The following XYLT1 variants were observed in gnomAD, a reference collection of about 807,000 sequenced individuals.
XYLT1 encodes the protein beta-D-xylosyltransferase 1.
A neutral mutation model predicts 91.3 loss-of-function variants in XYLT1; 36 were observed. The ratio of observed to expected loss-of-function variants is 0.39; its 90% CI spans 0.30 to 0.52. XYLT1 has a LOEUF of 0.52. Ranked by LOEUF, XYLT1 falls within the 20% of genes least tolerant of loss-of-function variation. The probability of loss-of-function intolerance (pLI) is 0.68; values close to 1 mark genes in which losing one functional copy is unlikely to be tolerated. For missense variants in XYLT1, 1,242 were observed against 1,284.5 expected (o/e 0.97, Z 0.51); for synonymous variants, 588 against 532.0 (o/e 1.11, Z -1.45).
intron 1 of XYLT1, among the ~76,000 whole-genome samples, chr16:17,397,827 C>CTT (rs749199983): frequency 1.1e-3 from 118 of 108,696 alleles, no homozygotes; most frequent in African/African-American, 1.6e-3. Context: ...TTGAATAGCT[C>CTT]TTTTTTTTTT....
At chr16:17,424,676 T>C (rs1567198303) in intron 1 of XYLT1, among the ~76,000 whole-genome samples, 3 of 152,018 alleles carry the variant, frequency 2.0e-5, no homozygotes, top group Admixed American at 1.3e-4. Flanking sequence ...CAGACCATCC[T>C]GGTCAACACG....
chr16:17,298,616 G>A (rs537365317), intron 2 of XYLT1, among the ~76,000 whole-genome samples: 1 of 152,236 alleles, frequency 6.6e-6, no homozygotes, highest in East Asian at 1.9e-4. Context: ...GATTGAGTTG[G>A]GACAGTCAGC....
chr16:17,112,640 T>G (rs775194397), intron 11 of XYLT1, among the ~76,000 whole-genome samples: 4 of 152,134 alleles, frequency 2.6e-5, no homozygotes, highest in Non-Finnish European at 5.9e-5. Flanking sequence ...AGATGTGAAC[T>G]AGATCAAGAA....
chr16:17,449,470 T>C (rs1596551968), intron 1 of XYLT1, among the ~76,000 whole-genome samples: 1 of 152,212 alleles, frequency 6.6e-6, no homozygotes, highest in Non-Finnish European at 1.5e-5. Flanking sequence ...GTCTGGCTGG[T>C]CTTCAGTCCC....
intron 10 of XYLT1, among the ~76,000 whole-genome samples, chr16:17,126,832 T>C (rs1456707945): frequency 1.3e-5 from 2 of 152,184 alleles, no homozygotes; most frequent in Admixed American, 6.5e-5. Context: ...ATTCATTCAT[T>C]CAAAAGTCTT....
intron 1 of XYLT1, among the ~76,000 whole-genome samples, chr16:17,418,928 G>T (rs557032075): frequency 6.2e-4 from 95 of 152,192 alleles, no homozygotes; most frequent in Non-Finnish European, 1.1e-3. Flanking sequence ...TGCCCTCTCT[G>T]CAGTTATAGC....
intron 6 of XYLT1, among the ~76,000 whole-genome samples, chr16:17,151,716 A>C (rs2031287707): frequency 6.6e-6 from 1 of 152,122 alleles, no homozygotes. Context: ...AGAAAAGGGG[A>C]GCTAGGGAGG....
At chr16:17,149,007 G>A (rs1025835932) in intron 6 of XYLT1, among the ~76,000 whole-genome samples, 2 of 152,160 alleles carry the variant, frequency 1.3e-5, no homozygotes, top group Non-Finnish European at 2.9e-5. Flanking sequence ...TTACCTATTA[G>A]CACACTAAGG....
intron 2 of XYLT1, among the ~76,000 whole-genome samples, chr16:17,302,277 C>T (rs531194784): frequency 1.3e-5 from 2 of 152,206 alleles, no homozygotes; most frequent in East Asian, 3.9e-4. Context: ...AACCCAGGCC[C>T]AGGTACCAGG....
chr16:17,138,657 C>CTCA, intron 7 of XYLT1, 126 bp from the exon 8 acceptor site: 2 of 1,168,554 alleles, frequency 1.7e-6, no homozygotes, highest in Non-Finnish European at 2.4e-6. Context: ...AATGTGGCAT[C>CTCA]TCATCAGAAG....
chr16:17,435,409 C>G (rs1183034684), intron 1 of XYLT1, among the ~76,000 whole-genome samples: 2 of 152,120 alleles, frequency 1.3e-5, no homozygotes, highest in Non-Finnish European at 2.9e-5. Context: ...CTACAAGAAC[C>G]CAGCAATCCA....
intron 1 of XYLT1, among the ~76,000 whole-genome samples, chr16:17,421,962 C>T (rs115439466): frequency 0.023 from 3,535 of 152,086 alleles, 60 homozygotes; most frequent in African/African-American, 0.048. Flanking sequence ...CTAAGCCTTC[C>T]AAGTAGTTAG....
intron 3 of XYLT1, among the ~76,000 whole-genome samples, chr16:17,236,678 T>C (rs1411991467): frequency 6.6e-6 from 1 of 152,212 alleles, no homozygotes; most frequent in East Asian, 1.9e-4. Flanking sequence ...AGGAAGAATC[T>C]ATTCCATGCC....
chr16:17,336,420 C>A (rs1249715912), intron 2 of XYLT1, among the ~76,000 whole-genome samples: 14 of 152,106 alleles, frequency 9.2e-5, no homozygotes, highest in Non-Finnish European at 2.1e-4. Context: ...TGTCCACGGT[C>A]AGGGGAGATG....
At chr16:17,389,394 C>T (rs1008296256) in intron 1 of XYLT1, among the ~76,000 whole-genome samples, 3 of 152,184 alleles carry the variant, frequency 2.0e-5, no homozygotes, top group African/African-American at 7.2e-5. Context: ...TACAGGTACA[C>T]GCCACCACAC....
At chr16:17,138,272 C>T in intron 8 of XYLT1, 83 bp downstream of exon 8, 3 of 1,525,490 alleles carry the variant, frequency 2.0e-6, no homozygotes, top group Admixed American at 3.7e-5. Flanking sequence ...ATAAGATGAC[C>T]TGCAGGTCTG....
At chr16:17,450,793 G>A (rs962891595) in intron 1 of XYLT1, among the ~76,000 whole-genome samples, 7 of 152,164 alleles carry the variant, frequency 4.6e-5, no homozygotes, top group African/African-American at 1.7e-4. Flanking sequence ...CTGCTGCCAG[G>A]TCAGGCAGCC....
At chr16:17,318,940 A>C (rs1162156889) in intron 2 of XYLT1, among the ~76,000 whole-genome samples, 1 of 152,044 alleles carries the variant, frequency 6.6e-6, no homozygotes, top group Non-Finnish European at 1.5e-5. Flanking sequence ...GGCATGTGCC[A>C]CCATGCCGGG....
intron 2 of XYLT1, among the ~76,000 whole-genome samples, chr16:17,311,854 G>T (rs991904177): frequency 6.8e-6 from 1 of 147,346 alleles, no homozygotes; most frequent in Non-Finnish European, 1.5e-5. Flanking sequence ...GAAAATGAGA[G>T]CCAAGCAAAA....
Sources: allele counts gnomAD v4.1 joint callset (sites outside exome capture counted in the v4.1 genomes callset), GRCh38; gene constraint gnomAD v4.1.1; transcripts MANE v1.5; gene names NCBI Gene and HGNC (gene_info 2026-07-23, HGNC 2026-07-21).